The following NPSR1 variants were observed in gnomAD, a reference collection of about 807,000 sequenced individuals.
NPSR1 encodes neuropeptide S receptor 1.
Under a neutral mutation model 46.9 loss-of-function variants are expected in NPSR1, and 48 were observed. The ratio of observed to expected loss-of-function variants is 1.02; its 90% CI spans 0.81 to 1.30. NPSR1 has a LOEUF of 1.30. Ranked by LOEUF, NPSR1 falls within the 50% of genes most tolerant of loss-of-function variation. The pLI, the probability that NPSR1 is intolerant of heterozygous loss-of-function variation, is 0.00. For synonymous variants in NPSR1, 176 were observed against 168.1 expected, an observed-to-expected ratio of 1.05 and a Z score of -0.36; for missense variants, 450 against 449.5, an observed-to-expected ratio of 1.00 and a Z score of -0.01.
At chr7:34,787,014 A>G (rs1787495533) in intron 3 of NPSR1, among the ~76,000 whole-genome samples, 1 of 152,124 alleles carries the variant, frequency 6.6e-6, no homozygotes, top group African/African-American at 2.4e-5. Context: ...TAAAAAGAAT[A>G]TCATGATGTC....
At chr7:34,793,995 CT>C (rs924038493) in intron 3 of NPSR1, among the ~76,000 whole-genome samples, 1 of 152,054 alleles carries the variant, frequency 6.6e-6, no homozygotes, top group African/African-American at 2.4e-5. Context: ...CATGATTTCA[CT>C]GATATGTGGA....
chr7:34,827,495 C>T lies in NPSR1; in HGVS notation c.573C>T (p.Ser191=). Residue 191 remains serine, a synonymous_variant, in exon 5 of 9, where the codon TCC becomes TCT. Coordinates refer to ENST00000360581, the MANE Select transcript of NPSR1 (RefSeq NM_207172.2). ...TLIIFGKRTL[S]NGEVQCWALW... ...TCATATTTGGGAAGAGGACACTGTC[C>T]AACGGTGAAGTGCAGTGCTGGGCCC... 6.2e-7 allele frequency: 1 copy of T among 1,614,078 alleles called. No homozygotes were observed. The highest frequency in any genetic ancestry group is 8.5e-7 in the Non-Finnish European group (1 of 1,179,978).
chr7:34,661,805 A>G (rs1791465601), intron 1 of NPSR1, among the ~76,000 whole-genome samples: 1 of 152,154 alleles, frequency 6.6e-6, no homozygotes, highest in African/African-American at 2.4e-5. Context: ...TGCTTTTAAG[A>G]TCACATCCAG....
At chr7:34,719,959 G>A (rs113856317) in intron 2 of NPSR1, among the ~76,000 whole-genome samples, 3,333 of 151,640 alleles carry the variant, frequency 0.022, 115 homozygotes, top group African/African-American at 0.076. Context: ...CCATGCCCAT[G>A]CCACACTTAG....
intron 2 of NPSR1, among the ~76,000 whole-genome samples, chr7:34,704,913 T>C (rs1204857900): frequency 6.6e-6 from 1 of 152,220 alleles, no homozygotes; most frequent in African/African-American, 2.4e-5. Flanking sequence ...ATGGTGGTAT[T>C]GTTTGGCTTC....
rs143774126 is a variant in NPSR1 at position 34,844,932 on chromosome 7, T to C, written c.794T>C (p.Ile265Thr). The C allele has an allele frequency of 6.9e-5, 111 of 1,613,176 alleles. No homozygotes were observed. The African/African-American group carries it at 1.3e-3, about 19-fold the overall frequency. ...TGCAGCAGCTATAACCGAGGACTCATCTCAAAGGCAAAAATCAAGGCTATC... is the reference window on the plus strand; with the variant it reads ...TGCAGCAGCTATAACCGAGGACTCACCTCAAAGGCAAAAATCAAGGCTATC... Reference protein sequence around the residue: ...KLCSSYNRGLISKAKIKAIKY... With the variant: ...KLCSSYNRGLTSKAKIKAIKY... The change falls in exon 7 of 9, where the codon ATC becomes ACC. Residue 265 changes from isoleucine to threonine, a missense_variant. Transcript: ENST00000360581.
At chr7:34,766,758 A>G (rs1786454729) in intron 2 of NPSR1, among the ~76,000 whole-genome samples, 1 of 152,204 alleles carries the variant, frequency 6.6e-6, no homozygotes, top group Non-Finnish European at 1.5e-5. Context: ...TATTTTTAGT[A>G]GAGACGGGGT....
At chr7:34,733,735 T>C (rs547101379) in intron 2 of NPSR1, among the ~76,000 whole-genome samples, 2 of 152,352 alleles carry the variant, frequency 1.3e-5, no homozygotes, top group African/African-American at 4.8e-5. Flanking sequence ...TTAAATTACA[T>C]TACTTTTGCA....
chr7:34,758,933 A>G (rs1786020885), intron 2 of NPSR1, among the ~76,000 whole-genome samples: 1 of 152,198 alleles, frequency 6.6e-6, no homozygotes. Context: ...TATGACATCA[A>G]CATTTTTAAA....
intron 1 of NPSR1, among the ~76,000 whole-genome samples, chr7:34,668,681 T>C (rs1352494955): frequency 6.6e-6 from 1 of 152,300 alleles, no homozygotes; most frequent in East Asian, 1.9e-4. Context: ...TGTATTGTAA[T>C]CTCTCAGGGA....
At chr7:34,739,945 G>T (rs953183208) in intron 2 of NPSR1, among the ~76,000 whole-genome samples, 1 of 152,170 alleles carries the variant, frequency 6.6e-6, no homozygotes, top group Non-Finnish European at 1.5e-5. Context: ...AGGATCAGGT[G>T]GTGGGCAGGG....
intron 8 of NPSR1, among the ~76,000 whole-genome samples, chr7:34,859,624 G>A (rs774247065): frequency 7.3e-5 from 11 of 151,720 alleles, no homozygotes; most frequent in African/African-American, 2.4e-4. Context: ...GGCAAAGAGT[G>A]TAACTCAAAC....
At position 34,831,747 on chromosome 7, in the gene NPSR1, T is replaced by G. The variant is rs746084935; in HGVS notation, c.681-2637T>G. Among the ~76,000 whole-genome samples, 26 of 152,210 alleles carry G rather than the reference T, an allele frequency of 1.7e-4. 1 individual carries two copies. Among genetic ancestry groups the G allele is most frequent in the Non-Finnish European group, 2.9e-4 (20 of 68,040 alleles). ...CCTGGTGTAATTGCTTTACTTTAGCTGTGCTTATTTTCTTGCTACCTAATT... is the reference window on the plus strand; with the variant it reads ...CCTGGTGTAATTGCTTTACTTTAGCGGTGCTTATTTTCTTGCTACCTAATT... On this transcript the variant is annotated intron_variant, in intron 5 of 8. Coordinates refer to ENST00000360581, the MANE Select transcript of NPSR1 (RefSeq NM_207172.2).
chr7:34,753,478 G>GA (rs1354040963), intron 2 of NPSR1: 1 of 152,164 alleles, frequency 6.6e-6, no homozygotes, highest in Non-Finnish European at 1.5e-5. Flanking sequence ...GCTGAGGTGG[G>GA]AGTATCACTT....
intron 2 of NPSR1, among the ~76,000 whole-genome samples, chr7:34,760,361 A>C (rs904297039): frequency 6.6e-6 from 1 of 152,198 alleles, no homozygotes; most frequent in Admixed American, 6.5e-5. Context: ...TACATAAACT[A>C]TCTCATTTAA....
At chr7:34,698,529 A>C (rs1041399057) in intron 2 of NPSR1, among the ~76,000 whole-genome samples, 2 of 152,190 alleles carry the variant, frequency 1.3e-5, no homozygotes, top group African/African-American at 4.8e-5. Context: ...CACTGTGCTG[A>C]TCAAACAAAT....
intron 1 of NPSR1, among the ~76,000 whole-genome samples, chr7:34,666,222 C>T (rs1410564650): frequency 2.6e-5 from 4 of 151,930 alleles, no homozygotes; most frequent in Non-Finnish European, 5.9e-5. Context: ...GGGAAAAATC[C>T]GTAGGATTGG....
intron 1 of NPSR1, among the ~76,000 whole-genome samples, chr7:34,682,778 G>A (rs1792711763): frequency 6.6e-6 from 1 of 152,168 alleles, no homozygotes; most frequent in South Asian, 2.1e-4. Context: ...TATTCTTGAT[G>A]CTTTATCACC....
At chr7:34,809,822 C>T (rs1043499616) in intron 3 of NPSR1, among the ~76,000 whole-genome samples, 6 of 152,082 alleles carry the variant, frequency 3.9e-5, no homozygotes, top group African/African-American at 4.8e-5. Flanking sequence ...TGTTTTGTTC[C>T]CCTCTATGTA....
Sources: gnomAD v4.1 joint callset for allele counts (sites outside exome capture counted in the v4.1 genomes callset) on GRCh38, gnomAD v4.1.1 for gene constraint, MANE v1.5 for transcripts, NCBI Gene and HGNC (gene_info 2026-07-23, HGNC 2026-07-21) for gene names.